Variants in DTNBP1 observed in about 807,000 individuals in gnomAD.
DTNBP1 encodes the protein dystrobrevin binding protein 1.
A neutral mutation model predicts 42.8 loss-of-function variants in DTNBP1; 35 were observed. The observed-to-expected ratio is 0.82, with a 90% CI of 0.63 to 1.09. The LOEUF is 1.09. Among genes scored for constraint, DTNBP1 ranks in the 50% least tolerant of loss-of-function variants. The pLI is 0.00. For synonymous variants in DTNBP1, 171 were observed against 162.2 expected, an observed-to-expected ratio of 1.05 and a Z score of -0.41; for missense variants, 457 against 424.2, an observed-to-expected ratio of 1.08 and a Z score of -0.68.
At position 15,607,010 on chromosome 6, in the gene DTNBP1, A is replaced by ATTTT. The variant is rs3045755; in HGVS notation, c.488+8253_488+8256dup. ...TTGTGAAATGCTGAGTCAAAAAAAA[A>ATTTT]TTTTTTTTTTTTTTTTTTGAGACAG... On this transcript the variant is annotated intron_variant, in intron 6 of 9. Coordinates refer to ENST00000344537, the MANE Select transcript of DTNBP1 (RefSeq NM_032122.5). Among the ~76,000 whole-genome samples the ATTTT allele has an allele frequency of 9.6e-4, 132 of 138,070 alleles. 2 individuals carry two copies. Among genetic ancestry groups the ATTTT allele is most frequent in the African/African-American group, 1.9e-3 (71 of 36,586 alleles). 90.6% of individuals were successfully genotyped at this position (138,070 alleles called of 152,430 possible).
At chr6:15,581,099 T>C (rs1215973493) in intron 7 of DTNBP1, among the ~76,000 whole-genome samples, 1 of 152,264 alleles carries the variant, frequency 6.6e-6, no homozygotes, top group African/African-American at 2.4e-5. Flanking sequence ...TGGGACGAGG[T>C]GTTGGATGAC....
intron 5 of DTNBP1, 42 bp from the exon 6 acceptor site, chr6:15,615,441 C>A (rs774353855): frequency 6.8e-6 from 11 of 1,610,542 alleles, no homozygotes; most frequent in Non-Finnish European, 9.3e-6. Context: ...AAGTCAGAAT[C>A]CTCAATCATG....
chr6:15,662,863 C>G lies in DTNBP1; in HGVS notation c.7G>C (p.Glu3Gln). The G allele has an allele frequency of 6.2e-7, 1 of 1,606,914 alleles. No individual in the cohort carries two copies. Among genetic ancestry groups the G allele is most frequent in the Non-Finnish European group, 8.5e-7 (1 of 1,179,526 alleles). The change falls in exon 1 of 10, where the codon GAG becomes CAG. Residue 3 changes from glutamate (E) to glutamine (Q), a missense_variant. Coordinates refer to ENST00000344537, the MANE Select transcript of DTNBP1 (RefSeq NM_032122.5). Reference protein sequence around the residue: MLETLRERLLSVQ... With the variant: MLQTLRERLLSVQ... ...CTCAGCAGCCGCTCGCGAAGGGTCT[C>G]CAGCATTGCCGCCGCCGCCGGTCTC...
intron 5 of DTNBP1, among the ~76,000 whole-genome samples, chr6:15,622,347 C>A (rs1759086976): frequency 6.6e-6 from 1 of 151,884 alleles, no homozygotes; most frequent in Admixed American, 6.6e-5. Flanking sequence ...AAATCAGTAA[C>A]AAAATATAAA....
chr6:15,611,844 C>T (rs553246012), intron 6 of DTNBP1, among the ~76,000 whole-genome samples: 3 of 152,274 alleles, frequency 2.0e-5, no homozygotes, highest in Admixed American at 2.0e-4. Flanking sequence ...GGAGTTACTT[C>T]CTATGGATGA....
intron 5 of DTNBP1, among the ~76,000 whole-genome samples, chr6:15,624,860 G>A (rs1172157830): frequency 6.6e-6 from 1 of 150,598 alleles, no homozygotes; most frequent in Non-Finnish European, 1.5e-5. Context: ...AACACTAAAT[G>A]TTTCCAAAAT....
Position 15,587,277 on chromosome 6 carries a change from G to GGAGTCT in DTNBP1, c.511+5781_511+5782insAGACTC, listed in dbSNP as rs1561976463. ...TTAAACAAACATGGATACATTCCAT[G>GGAGTCT]TTCATGGATTGAAAGACTCACTATC... On this transcript the variant is annotated intron_variant, in intron 7 of 9. Transcript: ENST00000344537. The surrounding 1 kb of genome is among the most constrained non-coding windows in gnomAD (Gnocchi z 4.1). Among the ~76,000 whole-genome samples, 1 of 152,166 alleles carries GGAGTCT rather than the reference G, an allele frequency of 6.6e-6. No homozygotes were observed. The highest frequency in any genetic ancestry group is 1.5e-5 in the Non-Finnish European group (1 of 68,024).
At chr6:15,524,757 T>G in intron 8 of DTNBP1, 88 bp from the exon 9 acceptor site, 1 of 1,559,844 alleles carries the variant, frequency 6.4e-7, no homozygotes. Context: ...CTAACTACAT[T>G]GCATTTCCTA....
chr6:15,644,749 C>A (rs185868614), intron 3 of DTNBP1, among the ~76,000 whole-genome samples: 1 of 152,030 alleles, frequency 6.6e-6, no homozygotes, highest in East Asian at 1.9e-4. Context: ...AATAAAGACA[C>A]AACATACCAA....
chr6:15,571,279 A>G (rs1437236066), intron 7 of DTNBP1, among the ~76,000 whole-genome samples: 2 of 152,218 alleles, frequency 1.3e-5, no homozygotes, highest in Non-Finnish European at 2.9e-5. Flanking sequence ...AAGGGAAAAT[A>G]AAGCTTTTAA....
chr6:15,599,908 A>G (rs1343284956), intron 6 of DTNBP1, among the ~76,000 whole-genome samples: 1 of 152,198 alleles, frequency 6.6e-6, no homozygotes, highest in Non-Finnish European at 1.5e-5. Context: ...AATTCCTTAA[A>G]GAGCCATCCT....
chr6:15,561,022 A>G (rs1774813697), intron 7 of DTNBP1, among the ~76,000 whole-genome samples: 1 of 152,254 alleles, frequency 6.6e-6, no homozygotes, highest in Non-Finnish European at 1.5e-5. Flanking sequence ...GTCTTTAGTA[A>G]AAATGGGAGA....
chr6:15,554,529 C>A (rs945036785), intron 7 of DTNBP1, among the ~76,000 whole-genome samples: 3 of 152,138 alleles, frequency 2.0e-5, no homozygotes, highest in Admixed American at 6.5e-5. Flanking sequence ...TGAAGGGTTG[C>A]AGCCTGTAGG....
chr6:15,615,594 T>C (rs1212305121), intron 5 of DTNBP1, among the ~76,000 whole-genome samples, 195 bp from the exon 6 acceptor site: 1 of 152,242 alleles, frequency 6.6e-6, no homozygotes, highest in Non-Finnish European at 1.5e-5. Flanking sequence ...CTTTTTTGAC[T>C]ACATTTCAAG....
intron 3 of DTNBP1, among the ~76,000 whole-genome samples, chr6:15,638,037 A>AATATCC (rs1760130533): frequency 6.6e-6 from 1 of 152,246 alleles, no homozygotes; most frequent in Non-Finnish European, 1.5e-5. Context: ...CAAAGAATAC[A>AATATCC]ATATCCCTGA....
chr6:15,557,162 C>T (rs750575670), intron 7 of DTNBP1, among the ~76,000 whole-genome samples: 1 of 151,674 alleles, frequency 6.6e-6, no homozygotes, highest in African/African-American at 2.4e-5. Context: ...ACTGAGACTA[C>T]TGGCTAAACA....
chr6:15,599,225 CA>C (rs1269642674), intron 6 of DTNBP1, among the ~76,000 whole-genome samples: 1 of 152,104 alleles, frequency 6.6e-6, no homozygotes, highest in Non-Finnish European at 1.5e-5. Context: ...AAAGATGAGA[CA>C]GGGGTAAGGG....
At chr6:15,648,054 A>G (rs1760781360) in intron 3 of DTNBP1, among the ~76,000 whole-genome samples, 1 of 152,028 alleles carries the variant, frequency 6.6e-6, no homozygotes, top group Non-Finnish European at 1.5e-5. Context: ...AAAGCATTAT[A>G]CACAATTTCC....
intron 6 of DTNBP1, among the ~76,000 whole-genome samples, chr6:15,613,781 T>G (rs1487756403): frequency 6.6e-6 from 1 of 152,124 alleles, no homozygotes; most frequent in Non-Finnish European, 1.5e-5. Flanking sequence ...GTGAACAATT[T>G]GATCCATGGC....
Sources: gnomAD v4.1 joint callset for allele counts (sites outside exome capture counted in the v4.1 genomes callset) on GRCh38, gnomAD v4.1.1 for gene constraint, Gnocchi (gnomAD v3.1) non-coding constraint, MANE v1.5 for transcripts, NCBI Gene and HGNC (gene_info 2026-07-23, HGNC 2026-07-21) for gene names.